The following SUGCT variants were observed in gnomAD, a reference collection of about 807,000 sequenced individuals.
SUGCT encodes succinyl-CoA:glutarate-CoA transferase.
SUGCT carries 41 observed loss-of-function variants against 55.0 expected under a neutral mutation model. The ratio of observed to expected loss-of-function variants is 0.74; its 90% CI spans 0.58 to 0.97. The LOEUF (loss-of-function observed/expected upper bound fraction) is 0.97, where lower values mean the gene tolerates loss of function less well. Ranked by LOEUF, SUGCT falls within the 50% of genes least tolerant of loss-of-function variation. The probability of loss-of-function intolerance (pLI) is 0.00; values close to 1 mark genes in which losing one functional copy is unlikely to be tolerated. For synonymous variants in SUGCT, 187 were observed against 200.4 expected (o/e 0.93, Z 0.56); for missense variants, 568 against 547.8 (o/e 1.04, Z -0.37).
At chr7:40,315,330 G>A (rs1468877289) in intron 8 of SUGCT, among the ~76,000 whole-genome samples, 1 of 152,190 alleles carries the variant, frequency 6.6e-6, no homozygotes, top group African/African-American at 2.4e-5. Context: ...CATTTTGAAA[G>A]ACACAGAAGT....
chr7:40,992,873 G>C, the SUGCT span, among the ~76,000 whole-genome samples: 1 of 152,180 alleles, frequency 6.6e-6, no homozygotes, highest in Non-Finnish European at 1.5e-5. Flanking sequence ...TCAAGAGCAA[G>C]AGTGTTGTGA....
chr7:40,274,379 A>G, intron 7 of SUGCT, 134 bp from the exon 8 acceptor site: 3 of 843,642 alleles, frequency 3.6e-6, no homozygotes, highest in Non-Finnish European at 5.3e-6. Context: ...TATTTTATTA[A>G]CTTTCTTGTG....
chr7:40,452,317 C>A (rs989018209), intron 10 of SUGCT, among the ~76,000 whole-genome samples: 1 of 152,124 alleles, frequency 6.6e-6, no homozygotes, highest in African/African-American at 2.4e-5. Context: ...ATGGGTATTC[C>A]TATATGAAAT....
chr7:40,249,312 G>GCTATCTATATCTATATATCTATATAT (rs1421104147), intron 7 of SUGCT, among the ~76,000 whole-genome samples: 3 of 22,206 alleles, frequency 1.4e-4, no homozygotes, highest in Non-Finnish European at 1.4e-4. Flanking sequence ...ACACCAAAAA[G>GCTATCTATATCTATATATCTATATAT]CTATATATAT....
At chr7:40,464,043 T>C (rs1199279013) in intron 11 of SUGCT, among the ~76,000 whole-genome samples, 1 of 152,134 alleles carries the variant, frequency 6.6e-6, no homozygotes, top group Non-Finnish European at 1.5e-5. Flanking sequence ...TTGCAAGTTG[T>C]GAATTGAAAC....
At chr7:40,292,919 A>G (rs7791590) in intron 8 of SUGCT, among the ~76,000 whole-genome samples, 41,288 of 151,894 alleles carry the variant, frequency 0.27, 6,431 homozygotes, top group East Asian at 0.46. Flanking sequence ...ACTATCCCCA[A>G]GCTGTTGCAG....
chr7:40,508,361 A>G (rs974325232), intron 12 of SUGCT, among the ~76,000 whole-genome samples: 11 of 152,146 alleles, frequency 7.2e-5, no homozygotes, highest in Admixed American at 7.2e-4. Flanking sequence ...AGACCATGTC[A>G]TTTTTGCTAT....
At chr7:40,822,282 G>A (rs547987721) in intron 13 of SUGCT, among the ~76,000 whole-genome samples, 6 of 152,226 alleles carry the variant, frequency 3.9e-5, no homozygotes, top group South Asian at 2.1e-4. Flanking sequence ...TATTAGGTCC[G>A]CTTGGTGCAG....
At chr7:40,762,244 T>C (rs1315234061) in intron 13 of SUGCT, among the ~76,000 whole-genome samples, 1 of 152,234 alleles carries the variant, frequency 6.6e-6, no homozygotes, top group African/African-American at 2.4e-5. Flanking sequence ...TCAGTAAAGC[T>C]GCATGAGGAG....
intron 12 of SUGCT, among the ~76,000 whole-genome samples, chr7:40,592,083 CT>C (rs1356583692): frequency 6.6e-6 from 1 of 152,070 alleles, no homozygotes; most frequent in Non-Finnish European, 1.5e-5. Flanking sequence ...AATTTTTTTA[CT>C]GTAGAAAGTG....
intron 12 of SUGCT, among the ~76,000 whole-genome samples, chr7:40,638,978 T>C (rs762323195): frequency 4.6e-5 from 7 of 152,146 alleles, no homozygotes; most frequent in Non-Finnish European, 7.3e-5. Flanking sequence ...AGAAAACTGA[T>C]TGGAAAACAC....
At chr7:40,962,581 A>T in the SUGCT span, among the ~76,000 whole-genome samples, 1 of 136,402 alleles carries the variant, frequency 7.3e-6, no homozygotes, top group African/African-American at 2.7e-5. Flanking sequence ...ACACACACAC[A>T]CACACACACA....
At chr7:40,878,064 AT>A in the SUGCT span, among the ~76,000 whole-genome samples, 1 of 152,102 alleles carries the variant, frequency 6.6e-6, no homozygotes, top group East Asian at 1.9e-4. Flanking sequence ...GGGGTACTCC[AT>A]TATATCTTCT....
the SUGCT span, among the ~76,000 whole-genome samples, chr7:41,009,232 T>G: frequency 2.1e-5 from 3 of 145,386 alleles, no homozygotes; most frequent in African/African-American, 7.6e-5. Context: ...AAAAAGCAAC[T>G]TATATGTTAA....
At chr7:40,745,500 A>T (rs1787689866) in intron 12 of SUGCT, among the ~76,000 whole-genome samples, 1 of 152,114 alleles carries the variant, frequency 6.6e-6, no homozygotes, top group Non-Finnish European at 1.5e-5. Context: ...TTACCACTTG[A>T]CTCTGTCATT....
intron 9 of SUGCT, among the ~76,000 whole-genome samples, chr7:40,359,809 T>C (rs927046671): frequency 5.3e-5 from 8 of 151,870 alleles, no homozygotes; most frequent in African/African-American, 1.9e-4. Flanking sequence ...TGTTGGAGAG[T>C]GGAAATGGTA....
chr7:40,517,736 A>G (rs1345058289), intron 12 of SUGCT, among the ~76,000 whole-genome samples: 2 of 152,010 alleles, frequency 1.3e-5, no homozygotes, highest in African/African-American at 2.4e-5. Flanking sequence ...GAAGTGTTAC[A>G]TGTTGTTTTT....
chr7:40,479,391 G>C (rs919044638), intron 11 of SUGCT, among the ~76,000 whole-genome samples: 82 of 152,100 alleles, frequency 5.4e-4, no homozygotes, highest in Non-Finnish European at 2.1e-4. Context: ...TGCTGTACAG[G>C]TTTGTAGCCT....
intron 12 of SUGCT, among the ~76,000 whole-genome samples, chr7:40,613,956 T>C (rs1033422748): frequency 2.6e-5 from 4 of 152,162 alleles, no homozygotes; most frequent in South Asian, 4.1e-4. Context: ...GGGTTACAGT[T>C]TGAATTTTAT....
Sources: allele counts gnomAD v4.1 joint callset (sites outside exome capture counted in the v4.1 genomes callset), GRCh38; gene constraint gnomAD v4.1.1; transcripts MANE v1.5; gene names NCBI Gene and HGNC (gene_info 2026-07-23, HGNC 2026-07-21).